Variants in DNAJC24 observed in about 807,000 individuals in gnomAD.
DNAJC24 encodes the protein dnaJ homolog subfamily C member 24.
Under a neutral mutation model 18.0 loss-of-function variants are expected in DNAJC24, and 17 were observed. The ratio of observed to expected loss-of-function variants is 0.94; its 90% confidence interval spans 0.65 to 1.42. DNAJC24 has a LOEUF of 1.42. Among genes scored for constraint, DNAJC24 ranks in the 40% most tolerant of loss-of-function variants. The pLI is 0.00. For synonymous variants in DNAJC24, 55 were observed against 57.7 expected, an observed-to-expected ratio of 0.95 and a Z score of 0.21; for missense variants, 158 against 175.6, an observed-to-expected ratio of 0.90 and a Z score of 0.57.
At chr11:31,408,708 A>G (rs558855391) in intron 2 of DNAJC24, among the ~76,000 whole-genome samples, 1 of 152,276 alleles carries the variant, frequency 6.6e-6, no homozygotes, top group South Asian at 2.1e-4. Context: ...AAAGTTTCTT[A>G]ATCTATTTTT....
At chr11:31,384,118 A>G (rs771649379) in intron 2 of DNAJC24, among the ~76,000 whole-genome samples, 1 of 152,184 alleles carries the variant, frequency 6.6e-6, no homozygotes, top group Admixed American at 6.5e-5. Flanking sequence ...GTAGTTCTCA[A>G]TGAAAAGAAT....
chr11:31,377,210 T>C (rs888069732), intron 2 of DNAJC24, among the ~76,000 whole-genome samples: 12 of 152,118 alleles, frequency 7.9e-5, no homozygotes. Context: ...ATTAGGTGTT[T>C]AGATAAAATA....
chr11:31,386,942 A>G (rs535888889), intron 2 of DNAJC24, among the ~76,000 whole-genome samples: 27 of 152,262 alleles, frequency 1.8e-4, no homozygotes, highest in African/African-American at 6.5e-4. Context: ...TTGAGTGAAC[A>G]TCAGTGGTAG....
At chr11:31,411,352 A>G (rs1952707535) in intron 2 of DNAJC24, among the ~76,000 whole-genome samples, 1 of 152,260 alleles carries the variant, frequency 6.6e-6, no homozygotes, top group Admixed American at 6.5e-5. Context: ...ATTTTAAATC[A>G]TAAATATATT....
At position 31,374,048 on chromosome 11, in the gene DNAJC24, T is replaced by C. The variant is rs1463043658; in HGVS notation, c.111+3189T>C. 6 of 351,296 alleles carry C rather than the reference T, an allele frequency of 1.7e-5. 1 individual carries two copies. Among genetic ancestry groups the C allele is most frequent in the Non-Finnish European group, 3.6e-5 (6 of 168,188 alleles). The allele number at this position is 351,296 out of a possible 1,614,324, so 21.8% of individuals were successfully genotyped here. A position where few individuals can be genotyped will look rare whatever the true frequency, so the allele number is the denominator to read the frequency against. ...TTATGTCATTTGCAGATAACGAGAG[T>C]TTTAATTCTGTCTTACCAATCTGTA... On this transcript the variant is annotated intron_variant, in intron 2 of 4. Coordinates refer to ENST00000465995, the MANE Select transcript of DNAJC24 (RefSeq NM_181706.5).
At chr11:31,402,367 A>C (rs1952608238) in intron 2 of DNAJC24, among the ~76,000 whole-genome samples, 1 of 152,220 alleles carries the variant, frequency 6.6e-6, no homozygotes, top group South Asian at 2.1e-4. Context: ...ATGAGTGGTT[A>C]GTAAATGTGA....
In DNAJC24 at chr11:31,374,327, T is replaced by C. The variant is rs543484787; in HGVS notation, c.111+3468T>C. ...TAGGTATTTAAATTTGTTAGATCCT[T>C]TTTTTTTTTGCATTTATTGAATTTT... On this transcript the variant is annotated intron_variant, in intron 2 of 4. Transcript: ENST00000465995. 141 of 142,438 alleles carry C rather than the reference T, an allele frequency of 9.9e-4. 13 individuals carry two copies. Among genetic ancestry groups the C allele is most frequent in the African/African-American group, 3.6e-3 (135 of 37,808 alleles). 8.8% of individuals were successfully genotyped at this position (142,438 alleles called of 1,614,324 possible). A position where few individuals can be genotyped will look rare whatever the true frequency, so the allele number is the denominator to read the frequency against.
At chr11:31,405,485 T>G (rs1462250360) in intron 2 of DNAJC24, among the ~76,000 whole-genome samples, 1 of 152,058 alleles carries the variant, frequency 6.6e-6, no homozygotes, top group Admixed American at 6.6e-5. Context: ...CTAGCTAATC[T>G]TTTTATTTAT....
Position 31,399,580 on chromosome 11 carries a change from A to T in DNAJC24, c.112-15231A>T, listed in dbSNP as rs200140255. ...AGGCGCACGCCATCACGCCCAGCTA[A>T]TTTTTGTATTTTTAGTAGAGACGGG... is the stretch of plus-strand genomic sequence containing the variant. On this transcript the variant is annotated intron_variant, in intron 2 of 4. Coordinates refer to ENST00000465995, the MANE Select transcript of DNAJC24 (RefSeq NM_181706.5). Among the ~76,000 whole-genome samples, 17 of 151,814 alleles carry T rather than the reference A, an allele frequency of 1.1e-4. No homozygotes were observed. The East Asian group carries it at 2.9e-3, about 26-fold the overall frequency.
intron 2 of DNAJC24, among the ~76,000 whole-genome samples, chr11:31,371,116 G>A (rs557349375): frequency 6.6e-6 from 1 of 152,278 alleles, no homozygotes; most frequent in Admixed American, 6.5e-5. Context: ...ATTTGGACAA[G>A]TTACTTTTTC....
chr11:31,395,984 C>G (rs1952539746), intron 2 of DNAJC24, among the ~76,000 whole-genome samples: 1 of 152,162 alleles, frequency 6.6e-6, no homozygotes, highest in Non-Finnish European at 1.5e-5. Context: ...AGTAAAAGCT[C>G]TTCAAAAAAT....
chr11:31,404,299 G>A (rs954988806), intron 2 of DNAJC24, among the ~76,000 whole-genome samples: 11 of 152,150 alleles, frequency 7.2e-5, no homozygotes, highest in African/African-American at 2.4e-5. Flanking sequence ...TATTCAAGAT[G>A]GAGTTGCTGT....
chr11:31,419,271 TG>T (rs1952781149), intron 3 of DNAJC24, among the ~76,000 whole-genome samples: 1 of 152,008 alleles, frequency 6.6e-6, no homozygotes, highest in Admixed American at 6.6e-5. Flanking sequence ...TCGGGGGGTA[TG>T]TTTTTTTTGG....
intron 3 of DNAJC24, among the ~76,000 whole-genome samples, chr11:31,424,216 G>C (rs1258998868): frequency 1.3e-5 from 2 of 152,092 alleles, no homozygotes; most frequent in African/African-American, 4.8e-5. Flanking sequence ...GATTCATCTT[G>C]TCATTATTTC....
intron 2 of DNAJC24, among the ~76,000 whole-genome samples, chr11:31,407,856 TATC>T (rs1301549518): frequency 6.6e-6 from 1 of 151,374 alleles, no homozygotes; most frequent in Non-Finnish European, 1.5e-5. Flanking sequence ...TATCAGTGGG[TATC>T]ATCATTAGTG....
rs1230017608 is a variant in DNAJC24, at chr11:31,431,413, A to G, written c.*1012A>G. On this transcript the variant is annotated 3_prime_UTR_variant, in exon 5 of 5. Transcript: ENST00000465995. ...TGATCCGCCCACCTCAACCTCCCAA[A>G]GTGCTGGGATTGCAGGCGTGAGCCA... 6.6e-6 allele frequency: 1 copy of G among 151,522 alleles called. No homozygotes were observed. The highest frequency in any genetic ancestry group is 1.5e-5 in the Non-Finnish European group (1 of 67,900). 9.4% of individuals were successfully genotyped at this position (151,522 alleles called of 1,614,324 possible).
intron 3 of DNAJC24, among the ~76,000 whole-genome samples, chr11:31,426,014 C>T (rs565983971): frequency 6.6e-6 from 1 of 152,286 alleles, no homozygotes; most frequent in Non-Finnish European, 1.5e-5. Context: ...AAAGAATCAT[C>T]AAAATTAACT....
chr11:31,432,322 C>A lies in DNAJC24; in HGVS notation c.*1921C>A. 8.0e-6 allele frequency: 4 copies of A among 499,812 alleles called. No individual in the cohort carries two copies. Among genetic ancestry groups the A allele is most frequent in the South Asian group, 8.0e-5 (2 of 25,076 alleles). The allele number at this position is 499,812 out of a possible 1,614,324, so 31.0% of individuals were successfully genotyped here. On this transcript the variant is annotated 3_prime_UTR_variant, in exon 5 of 5. Coordinates refer to ENST00000465995, the MANE Select transcript of DNAJC24 (RefSeq NM_181706.5). Reference sequence around the variant, plus strand: ...GACTTTTTTGGGTTACATTTTTATCCATATATTTTGAACTAACAGAACTTG... The same window carrying A: ...GACTTTTTTGGGTTACATTTTTATCAATATATTTTGAACTAACAGAACTTG...
intron 2 of DNAJC24, among the ~76,000 whole-genome samples, chr11:31,379,777 A>C (rs1487814066): frequency 1.3e-5 from 2 of 150,934 alleles, no homozygotes; most frequent in East Asian, 3.9e-4. Context: ...TTTTCTTTTG[A>C]GACAGAGTCT....
Sources: gnomAD v4.1 joint callset for allele counts (sites outside exome capture counted in the v4.1 genomes callset) on GRCh38, gnomAD v4.1.1 for gene constraint, MANE v1.5 for transcripts, NCBI Gene and HGNC (gene_info 2026-07-23, HGNC 2026-07-21) for gene names.